INCENP: variants seen among roughly 807,000 people sequenced by gnomAD.
INCENP encodes binds and activates aurora-B and -C in vivo and in vitro.
A neutral mutation model predicts 107.3 loss-of-function variants in INCENP; 43 were observed. The observed-to-expected ratio is 0.40, with a 90% CI of 0.31 to 0.52. The LOEUF (loss-of-function observed/expected upper bound fraction) is 0.52, where lower values mean the gene tolerates loss of function less well. Among genes scored for constraint, INCENP ranks in the 20% least tolerant of loss-of-function variants. INCENP has a pLI of 0.53. For synonymous variants in INCENP, 488 were observed against 494.4 expected (o/e 0.99, Z 0.17); for missense variants, 1,089 against 1,250.9 (o/e 0.87, Z 1.95).
At position 62,141,560 on chromosome 11, in the gene INCENP, C is replaced by G. The variant is rs188564047; in HGVS notation, c.1605+49C>G. On this transcript the variant is annotated intron_variant, in intron 11 of 18. Transcript: ENST00000394818. ...GTAACCTCGCCCCACCTAGCACTCA[C>G]CCGCTGTAGCCCCTTCCCTGCGTAG... is the stretch of plus-strand genomic sequence containing the variant. The G allele has an allele frequency of 2.6e-3, 4,128 of 1,609,562 alleles. 21 individuals are homozygous for G. Among genetic ancestry groups the G allele is most frequent in the Non-Finnish European group, 2.2e-3 (2,601 of 1,175,810 alleles).
rs554064911 is a variant in INCENP, at chr11:62,129,784, T to C, written c.257T>C (p.Leu86Ser). Reference protein sequence around the residue: ...DENRDPIRRRLSRRKSRSSQL... With the variant: ...DENRDPIRRRSSRRKSRSSQL... The stretch of plus-strand genomic sequence containing the variant: ...CTCTGCCCTGCTGCCCCTGCCAGGT[T>C]ATCCCGCAGAAAGTCTCGGAGCAGC... The change falls in exon 4 of 19, where the codon TTA becomes TCA. Residue 86 changes from leucine (L) to serine (S), a missense_variant and splice_region_variant. By Grantham distance (145) the Leu-to-Ser change is moderately radical. Transcript: ENST00000394818. 1 of 1,602,786 alleles carries C rather than the reference T, an allele frequency of 6.2e-7. No individual in the cohort carries two copies. Among genetic ancestry groups the C allele is most frequent in the Admixed American group, 1.7e-5 (1 of 59,904 alleles).
At chr11:62,135,845 T>A (rs1943981806) in intron 4 of INCENP, among the ~76,000 whole-genome samples, 1 of 152,112 alleles carries the variant, frequency 6.6e-6, no homozygotes, top group South Asian at 2.1e-4. Flanking sequence ...AGTCTTGCTC[T>A]GTTGCCCAGG....
Position 62,144,761 on chromosome 11 carries a change from G to A in INCENP, c.1606-221G>A, listed in dbSNP as rs749525321. 59 of 757,756 alleles carry A rather than the reference G, an allele frequency of 7.8e-5. 1 individual carries two copies. In the Middle Eastern group the frequency reaches 9.0e-4, roughly 12 times the overall value. 46.9% of individuals were successfully genotyped at this position (757,756 alleles called of 1,614,324 possible). On this transcript the variant is annotated intron_variant, in intron 11 of 18. Coordinates refer to ENST00000394818, the MANE Select transcript of INCENP (RefSeq NM_001040694.2). ...CTCAATGGAGGGCACTGTGGCTCAGGCCCTTGCGAGGTAGCTGAGTGCTCC... is the reference window on the plus strand; with the variant it reads ...CTCAATGGAGGGCACTGTGGCTCAGACCCTTGCGAGGTAGCTGAGTGCTCC...
rs537387644 is a variant in INCENP at position 62,144,788 on chromosome 11, G to A, written c.1606-194G>A. 51 of 763,878 alleles carry A rather than the reference G, an allele frequency of 6.7e-5. No individual in the cohort carries two copies. The African/African-American group carries it at 7.6e-4, about 11-fold the overall frequency. 47.3% of individuals were successfully genotyped at this position (763,878 alleles called of 1,614,324 possible). The stretch of plus-strand genomic sequence containing the variant: ...CCTTGCGAGGTAGCTGAGTGCTCCT[G>A]GGAGGAAAGGCGGGAGCTGCGGGCC... On this transcript the variant is annotated intron_variant, in intron 11 of 18. Transcript: ENST00000394818.
intron 4 of INCENP, among the ~76,000 whole-genome samples, chr11:62,134,807 A>T (rs1348800000): frequency 2.6e-5 from 4 of 152,104 alleles, no homozygotes; most frequent in Non-Finnish European, 5.9e-5. Context: ...ATCCCAGCAC[A>T]TTGGGAGGCC....
intron 13 of INCENP, 25 bp from the exon 14 acceptor site, chr11:62,145,604 G>T: frequency 6.3e-7 from 1 of 1,586,550 alleles, no homozygotes; most frequent in East Asian, 2.3e-5. Flanking sequence ...GTGCTCCAAT[G>T]GGCATGTGTG....
At chr11:62,145,594 G>T (rs545935086) in intron 13 of INCENP, 35 bp from the exon 14 acceptor site, 3 of 1,577,270 alleles carry the variant, frequency 1.9e-6, no homozygotes, top group African/African-American at 2.7e-5. Flanking sequence ...TTGAATGTGG[G>T]TGCTCCAATG....
Position 62,145,101 on chromosome 11 carries a change from C to G in INCENP, c.1715+10C>G. 1 of 1,613,862 alleles carries G rather than the reference C, an allele frequency of 6.2e-7. No individual in the cohort carries two copies. The highest frequency in any genetic ancestry group is 8.5e-7 in the Non-Finnish European group (1 of 1,179,892). On this transcript the variant is annotated intron_variant, in intron 12 of 18. Transcript: ENST00000394818. ...TGGAGGAGGTGAAGCTGTAAGTGGC[C>G]TGGCTTCCTGGACTGTGGCCCATCC...
rs1565101733 is a variant in INCENP at position 62,146,807 on chromosome 11, C to CGAACAGGAGCGGCGG, written c.2111_2112insACAGGAGCGGCGGGA (p.Arg713_Arg717dup). On this transcript the variant is annotated inframe_insertion, in exon 15 of 19. Transcript: ENST00000394818. ...AGGAGCGGCGCGAGCAGGAGCGGCG[C>CGAACAGGAGCGGCGG]GAGCAGGAGCGGCGGGAGCAGGAGC... 14 of 1,519,868 alleles carry CGAACAGGAGCGGCGG rather than the reference C, an allele frequency of 9.2e-6. No individual in the cohort carries two copies. Among genetic ancestry groups the CGAACAGGAGCGGCGG allele is most frequent in the African/African-American group, 2.9e-5 (2 of 68,230 alleles). The allele number at this position is 1,519,868 out of a possible 1,614,324, so 94.1% of individuals were successfully genotyped here.
chr11:62,134,388 G>C (rs1762068308), intron 4 of INCENP, among the ~76,000 whole-genome samples: 1 of 99,758 alleles, frequency 1.0e-5, no homozygotes, highest in African/African-American at 4.0e-5. Flanking sequence ...ACTCCAGACA[G>C]AGTGAGACTC....
chr11:62,141,122 C>G lies in INCENP; in HGVS notation c.1593+78C>G, dbSNP rs550230981. On this transcript the variant is annotated intron_variant, in intron 10 of 18. Transcript: ENST00000394818. ...AAGGTCCAGTCTGTCCTGTAAGATACTGGGAGTAGTGTGAGCCTGGGCGGA... is the reference window on the plus strand; with the variant it reads ...AAGGTCCAGTCTGTCCTGTAAGATAGTGGGAGTAGTGTGAGCCTGGGCGGA... 651 of 1,533,204 alleles carry G rather than the reference C, an allele frequency of 4.2e-4. 2 individuals are homozygous for G. The highest frequency in any genetic ancestry group is 3.7e-3 in the Middle Eastern group (21 of 5,650). The allele number at this position is 1,533,204 out of a possible 1,614,324, so 95.0% of individuals were successfully genotyped here.
At chr11:62,145,423 T>G (rs1944221251) in intron 13 of INCENP, 134 bp downstream of exon 13, 2 of 1,395,586 alleles carry the variant, frequency 1.4e-6, no homozygotes, top group Admixed American at 4.4e-5. Context: ...GGCCCTGGAG[T>G]CCACTCAGCT....
Position 62,130,010 on chromosome 11 carries a change from C to T in INCENP, c.483C>T (p.Thr161=). The T allele has an allele frequency of 6.2e-7, 1 of 1,614,104 alleles. No homozygotes were observed. The highest frequency in any genetic ancestry group is 1.1e-5 in the South Asian group (1 of 91,088). ...MLTKKPEDNH[T]QCQLVPVVEI... is the part of the protein sequence containing the mutation. ...CTAAGAAGCCCGAGGATAACCACAC[C>T]CAGTGCCAGCTGGTGCCTGTGGTGG... is the stretch of plus-strand genomic sequence containing the variant. The change falls in exon 4 of 19, where the codon ACC becomes ACT. Residue 161 remains threonine, a synonymous_variant. Coordinates refer to ENST00000394818, the MANE Select transcript of INCENP (RefSeq NM_001040694.2).
chr11:62,144,921 G>A (rs1944204281), intron 11 of INCENP, 61 bp from the exon 12 acceptor site: 23 of 1,463,832 alleles, frequency 1.6e-5, no homozygotes, highest in Non-Finnish European at 2.2e-5. Flanking sequence ...GGCAGCTTTT[G>A]GGGCTGGGTG....
intron 4 of INCENP, 81 bp from the exon 5 acceptor site, chr11:62,137,751 G>A: frequency 1.5e-6 from 2 of 1,306,552 alleles, no homozygotes; most frequent in South Asian, 1.2e-5. Context: ...GCCCTTGCTG[G>A]AACCCGGTCC....
chr11:62,139,699 C>T (rs1944069573), intron 7 of INCENP, among the ~76,000 whole-genome samples: 2 of 152,230 alleles, frequency 1.3e-5, no homozygotes, highest in Admixed American at 1.3e-4. Flanking sequence ...GGAGCTGCCC[C>T]CTCCTGCTGT....
intron 1 of INCENP, among the ~76,000 whole-genome samples, 151 bp downstream of exon 1, chr11:62,124,314 C>T (rs889417684): frequency 2.6e-5 from 4 of 152,238 alleles, no homozygotes; most frequent in Non-Finnish European, 5.9e-5. Flanking sequence ...TTCCAAGTGG[C>T]GAGGTCGCCT....
At chr11:62,149,198 A>G (rs1460819693) in intron 17 of INCENP, among the ~76,000 whole-genome samples, 1 of 152,186 alleles carries the variant, frequency 6.6e-6, no homozygotes, top group South Asian at 2.1e-4. Context: ...ACCCATACAC[A>G]TACATATTTA....
At position 62,145,647 on chromosome 11, in the gene INCENP, G is replaced by A. The variant is rs1394756380; in HGVS notation, c.1855G>A (p.Ala619Thr). ...KTEKAKEERL[A>T]EEKAKKKAAA... The stretch of plus-strand genomic sequence containing the variant: ...TCTGCAGGCCAAGGAGGAGCGGCTG[G>A]CAGAGGAGAAGGCCAAGAAAAAGGC... Residue 619 changes from alanine (A) to threonine (T), a missense_variant, in exon 14 of 19, where the codon GCA becomes ACA. Physicochemically the swap from Ala to Thr is moderately conservative, Grantham distance 58. Coordinates refer to ENST00000394818, the MANE Select transcript of INCENP (RefSeq NM_001040694.2). 1.9e-6 allele frequency: 3 copies of A among 1,590,304 alleles called. No homozygotes were observed. The African/African-American group carries it at 4.0e-5, about 21-fold the overall frequency.
Sources: gnomAD v4.1 joint callset for allele counts (sites outside exome capture counted in the v4.1 genomes callset) on GRCh38, gnomAD v4.1.1 for gene constraint, MANE v1.5 for transcripts, NCBI Gene and HGNC (gene_info 2026-07-23, HGNC 2026-07-21) for gene names.